The following SLC23A2 variants were observed in gnomAD, a reference collection of about 807,000 sequenced individuals.
SLC23A2 encodes the protein solute carrier family 23 member 2, also known as Na(+)/L-ascorbic acid transporter 2.
In SLC23A2, 36 loss-of-function variants were observed where a neutral mutation model predicts 73.3. The observed-to-expected ratio is 0.49, with a 90% CI of 0.38 to 0.65. SLC23A2 has a LOEUF of 0.65. SLC23A2 is among the 30% of genes least tolerant of loss of function. SLC23A2 has a pLI of 0.00. For missense variants in SLC23A2, 507 were observed against 841.6 expected (o/e 0.60, Z 4.92); for synonymous variants, 343 against 327.3 (o/e 1.05, Z -0.52).
intron 1 of SLC23A2, among the ~76,000 whole-genome samples, chr20:4,989,226 G>T (rs2087884296): frequency 7.2e-6 from 1 of 138,032 alleles, no homozygotes; most frequent in African/African-American, 2.7e-5. Context: ...GACAGAGCGA[G>T]ACCCCGTCTC....
chr20:4,988,454 T>C (rs1009682677), intron 1 of SLC23A2, among the ~76,000 whole-genome samples: 7 of 151,674 alleles, frequency 4.6e-5, no homozygotes, highest in African/African-American at 1.5e-4. Context: ...AATACAAAAA[T>C]TGGCTGGACA....
intron 1 of SLC23A2, among the ~76,000 whole-genome samples, chr20:4,983,114 G>C (rs2087752826): frequency 6.6e-6 from 1 of 151,546 alleles, no homozygotes; most frequent in Non-Finnish European, 1.5e-5. Context: ...TCAAAAAAAA[G>C]AAAAAGTCCA....
At chr20:4,904,247 T>G (rs906452384) in intron 4 of SLC23A2, among the ~76,000 whole-genome samples, 1 of 152,124 alleles carries the variant, frequency 6.6e-6, no homozygotes, top group Non-Finnish European at 1.5e-5. Flanking sequence ...ATACGACAGA[T>G]CCCCAATTAA....
upstream of SLC23A2, among the ~76,000 whole-genome samples, chr20:5,004,939 C>A (rs984615668): frequency 6.6e-6 from 1 of 151,542 alleles, no homozygotes; most frequent in Non-Finnish European, 1.5e-5. Context: ...GTGGAGGTTG[C>A]GGTGAGCCGA....
chr20:5,004,387 T>C (rs1159119286), upstream of SLC23A2, among the ~76,000 whole-genome samples: 1 of 152,238 alleles, frequency 6.6e-6, no homozygotes, highest in Non-Finnish European at 1.5e-5. Context: ...ACACAGATAC[T>C]GACCCTCACT....
At position 4,863,107 on chromosome 20, in the gene SLC23A2, A is replaced by C. The variant is rs925280048; in HGVS notation, c.1357-200T>G. Reference sequence around the variant, plus strand: ...TCCAAGCCTTGGTGACACTCCCTGCACTCAGGCCTCAGGGCTCTACTGCCC... The same window carrying C: ...TCCAAGCCTTGGTGACACTCCCTGCCCTCAGGCCTCAGGGCTCTACTGCCC... On this transcript the variant is annotated intron_variant, in intron 13 of 16. Transcript: ENST00000338244. The surrounding 1 kb of genome is among the most constrained non-coding windows in gnomAD (Gnocchi z 4.8). Among the ~76,000 whole-genome samples, 1 of 152,074 alleles carries C rather than the reference A, an allele frequency of 6.6e-6. No homozygotes were observed. Among genetic ancestry groups the C allele is most frequent in the African/African-American group, 2.4e-5 (1 of 41,382 alleles).
intron 3 of SLC23A2, among the ~76,000 whole-genome samples, chr20:4,928,517 A>T (rs894900439): frequency 1.3e-5 from 2 of 152,048 alleles, no homozygotes; most frequent in East Asian, 1.9e-4. Flanking sequence ...CCTGACACCA[A>T]ATCATCCTGG....
chr20:4,864,526 T>C (rs374459944), intron 13 of SLC23A2, among the ~76,000 whole-genome samples: 1 of 152,210 alleles, frequency 6.6e-6, no homozygotes, highest in South Asian at 2.1e-4. Flanking sequence ...AAGCGACTCA[T>C]GCTTGGCTGT....
At chr20:5,009,666 G>T (rs1295225800) in intron 1 of SLC23A2, among the ~76,000 whole-genome samples, 1 of 152,064 alleles carries the variant, frequency 6.6e-6, no homozygotes, top group Non-Finnish European at 1.5e-5. Flanking sequence ...AAACCAACAG[G>T]GGCTGCCCGC....
intron 2 of SLC23A2, among the ~76,000 whole-genome samples, chr20:4,941,940 CA>C (rs2087049022): frequency 6.6e-6 from 1 of 151,976 alleles, no homozygotes; most frequent in African/African-American, 2.4e-5. Flanking sequence ...AAATGTTAAC[CA>C]AAATGTTGAG....
In SLC23A2 at chr20:4,854,289, T is replaced by A. The variant is rs1288767484; in HGVS notation, c.*2683A>T. Reference sequence around the variant, plus strand: ...TCCCCCAATATCTCCCCTTCAGGTGTGTGCTTAAACCCAAGAAGCAGATGA... The same window carrying A: ...TCCCCCAATATCTCCCCTTCAGGTGAGTGCTTAAACCCAAGAAGCAGATGA... On this transcript the variant is annotated 3_prime_UTR_variant, in exon 17 of 17. Transcript: ENST00000338244. The A allele has an allele frequency of 6.6e-6, 1 of 152,230 alleles. No individual in the cohort carries two copies. Among genetic ancestry groups the A allele is most frequent in the African/African-American group, 2.4e-5 (1 of 41,448 alleles). The allele number at this position is 152,230 out of a possible 1,614,324, so 9.4% of individuals were successfully genotyped here. A position where few individuals can be genotyped will look rare whatever the true frequency, so the allele number is the denominator to read the frequency against.
chr20:5,001,251 G>A (rs907037177), intron 1 of SLC23A2, among the ~76,000 whole-genome samples, 155 bp downstream of exon 1: 5 of 149,112 alleles, frequency 3.4e-5, no homozygotes, highest in Admixed American at 3.3e-4. Context: ...GAGATGGGTC[G>A]GGGTGGGGGC....
At chr20:4,975,682 G>GTT (rs200955021) in intron 1 of SLC23A2, among the ~76,000 whole-genome samples, 1 of 142,028 alleles carries the variant, frequency 7.0e-6, no homozygotes. Context: ...TGCCCCGCCT[G>GTT]TTTTTTTTTT....
rs1375419464 is a variant in SLC23A2, at chr20:4,902,399, A to C, written c.324+43T>G. 9.2e-7 allele frequency: 1 copy of C among 1,081,902 alleles called. No individual in the cohort carries two copies. Among genetic ancestry groups the C allele is most frequent in the East Asian group, 2.4e-5 (1 of 40,926 alleles). 67.0% of individuals were successfully genotyped at this position (1,081,902 alleles called of 1,614,324 possible). On this transcript the variant is annotated intron_variant, in intron 5 of 16. Coordinates refer to ENST00000338244, the MANE Select transcript of SLC23A2 (RefSeq NM_005116.6). This position sits in a 1 kb window ranked among gnomAD's most constrained non-coding sequence, Gnocchi z 4.0. ...AACAATTCCAGATGGTAGACAATGC[A>C]AACACCTGCTGGTAGTTACACATCC...
chr20:4,993,193 AGAATGGCAT>A (rs920267345), intron 1 of SLC23A2, among the ~76,000 whole-genome samples: 2 of 151,838 alleles, frequency 1.3e-5, no homozygotes, highest in Non-Finnish European at 2.9e-5. Flanking sequence ...CTGAGGCAAG[AGAATGGCAT>A]GAACCTGGGA....
intron 1 of SLC23A2, among the ~76,000 whole-genome samples, chr20:4,993,335 T>A (rs1241606253): frequency 6.9e-6 from 1 of 144,808 alleles, no homozygotes; most frequent in Non-Finnish European, 1.5e-5. Flanking sequence ...AAACGCTCAC[T>A]GAAGCATTCT....
chr20:4,986,776 T>A, intron 1 of SLC23A2, among the ~76,000 whole-genome samples: 1 of 144,346 alleles, frequency 6.9e-6, no homozygotes. Flanking sequence ...ATTCAAGAAA[T>A]AAAACAGTAA....
rs1822295966 is a variant in SLC23A2 at position 4,894,164 on chromosome 20, G to GA, written c.482+5390dup. On this transcript the variant is annotated intron_variant, in intron 6 of 16. Coordinates refer to ENST00000338244, the MANE Select transcript of SLC23A2 (RefSeq NM_005116.6). ...AGAACTGTTGAAACCTCGCTCAGGG[G>GA]AAAACTCGGTAATGAAGACCTCCTT... Among the ~76,000 whole-genome samples the GA allele has an allele frequency of 3.9e-5, 6 of 152,272 alleles. No homozygotes were observed. The South Asian group carries it at 1.2e-3, about 32-fold the overall frequency.
At chr20:4,962,945 G>A (rs1213239313) in intron 2 of SLC23A2, among the ~76,000 whole-genome samples, 4 of 152,122 alleles carry the variant, frequency 2.6e-5, no homozygotes, top group African/African-American at 7.2e-5. Context: ...TTGCAAGTGA[G>A]CCAAGATAAC....
Sources: gnomAD v4.1 joint callset for allele counts (sites outside exome capture counted in the v4.1 genomes callset) on GRCh38, gnomAD v4.1.1 for gene constraint, Gnocchi (gnomAD v3.1) non-coding constraint, MANE v1.5 for transcripts, NCBI Gene and HGNC (gene_info 2026-07-23, HGNC 2026-07-21) for gene names.